KCNH1: variants seen among roughly 807,000 people sequenced by gnomAD.
KCNH1 encodes the protein potassium voltage-gated channel subfamily H member 1.
In KCNH1, 27 loss-of-function variants were observed where a neutral mutation model predicts 69.2. The observed-to-expected ratio is 0.39, with a 90% CI of 0.29 to 0.54. KCNH1 has a LOEUF of 0.54. Among genes scored for constraint, KCNH1 ranks in the 20% least tolerant of loss-of-function variants. KCNH1 has a pLI of 0.68. For missense variants in KCNH1, 798 were observed against 1,261.6 expected (o/e 0.63, Z 5.57); for synonymous variants, 456 against 487.7 (o/e 0.93, Z 0.86).
At chr1:211,131,656 T>C (rs1238390588) in intron 1 of KCNH1, among the ~76,000 whole-genome samples, 1 of 152,240 alleles carries the variant, frequency 6.6e-6, no homozygotes, top group African/African-American at 2.4e-5. Flanking sequence ...AATAATATAA[T>C]GCATGCAGAT....
At chr1:211,039,065 T>C (rs533441551) in intron 5 of KCNH1, among the ~76,000 whole-genome samples, 1 of 152,226 alleles carries the variant, frequency 6.6e-6, no homozygotes, top group African/African-American at 2.4e-5. Context: ...AAAAAGTGGT[T>C]TCATGGGCTG....
rs375513662 is a variant in KCNH1 at position 210,953,530 on chromosome 1, C to T, written c.1033-33461G>A. Among the ~76,000 whole-genome samples, 11 of 152,316 alleles carry T rather than the reference C, an allele frequency of 7.2e-5. No homozygotes were observed. The East Asian group carries it at 1.5e-3, about 21-fold the overall frequency. The stretch of plus-strand genomic sequence containing the variant: ...TCTGGCAATCTGGATCTCTCCCTTT[C>T]GCTGCATTTCCATAGCCCTCGTCTT... On this transcript the variant is annotated intron_variant, in intron 6 of 10. Transcript: ENST00000271751.
At position 210,723,156 on chromosome 1, in the gene KCNH1, A is replaced by T. The variant is rs1682511016; in HGVS notation, c.2113-39018T>A. ...GAAACCTGCCTGCCTGGCCTCACCCATAGCCAGTGTCTCTCGTGGTCTCTC... is the reference window on the plus strand; with the variant it reads ...GAAACCTGCCTGCCTGGCCTCACCCTTAGCCAGTGTCTCTCGTGGTCTCTC... On this transcript the variant is annotated intron_variant, in intron 10 of 10. Transcript: ENST00000271751. Among the ~76,000 whole-genome samples the T allele has an allele frequency of 2.0e-5, 3 of 152,202 alleles. No homozygotes were observed. The South Asian group carries it at 6.2e-4, about 32-fold the overall frequency.
chr1:211,053,406 G>A (rs1373714859), intron 5 of KCNH1, among the ~76,000 whole-genome samples: 1 of 152,168 alleles, frequency 6.6e-6, no homozygotes, highest in Non-Finnish European at 1.5e-5. Flanking sequence ...CAGAAGCAGG[G>A]GTTATCGGAA....
Position 210,866,466 on chromosome 1 carries a change from A to G in KCNH1, c.1462+53174T>C, listed in dbSNP as rs148146620. Reference sequence around the variant, plus strand: ...AAATAGGCAAAGAATCTAAATAGACATTTCTCCAAAGAAGATATAGAAATG... The same window carrying G: ...AAATAGGCAAAGAATCTAAATAGACGTTTCTCCAAAGAAGATATAGAAATG... On this transcript the variant is annotated intron_variant, in intron 7 of 10. Transcript: ENST00000271751. Among the ~76,000 whole-genome samples, 290 of 152,290 alleles carry G rather than the reference A, an allele frequency of 1.9e-3. 1 individual carries two copies. Among genetic ancestry groups the G allele is most frequent in the African/African-American group, 6.5e-3 (269 of 41,562 alleles).
At chr1:211,058,849 T>C (rs1400465691) in intron 5 of KCNH1, among the ~76,000 whole-genome samples, 1 of 152,152 alleles carries the variant, frequency 6.6e-6, no homozygotes, top group African/African-American at 2.4e-5. Flanking sequence ...AGAAACATGC[T>C]TCACCTAGAA....
intron 7 of KCNH1, among the ~76,000 whole-genome samples, chr1:210,878,916 T>G (rs924744416): frequency 6.6e-6 from 1 of 151,820 alleles, no homozygotes; most frequent in African/African-American, 2.4e-5. Flanking sequence ...AGAGAGGACA[T>G]AAATTACTAA....
intron 1 of KCNH1, among the ~76,000 whole-genome samples, chr1:211,121,918 G>A (rs954555485): frequency 1.3e-5 from 2 of 152,140 alleles, no homozygotes; most frequent in Admixed American, 6.5e-5. Flanking sequence ...GGCGGATCAC[G>A]AGGTCAGGAG....
intron 10 of KCNH1, among the ~76,000 whole-genome samples, chr1:210,740,370 T>C (rs1249618044): frequency 6.6e-6 from 1 of 152,196 alleles, no homozygotes; most frequent in African/African-American, 2.4e-5. Flanking sequence ...TTTTACCTTC[T>C]AACAATGGTG....
At chr1:210,874,497 G>T (rs1686323921) in intron 7 of KCNH1, among the ~76,000 whole-genome samples, 1 of 152,032 alleles carries the variant, frequency 6.6e-6, no homozygotes, top group Non-Finnish European at 1.5e-5. Context: ...CTCTCTCAAA[G>T]GTCTCATGGA....
chr1:211,044,586 A>G (rs1690058311), intron 5 of KCNH1, among the ~76,000 whole-genome samples: 1 of 152,222 alleles, frequency 6.6e-6, no homozygotes, highest in African/African-American at 2.4e-5. Flanking sequence ...AATCCCATCA[A>G]AAAGTGGGCT....
intron 7 of KCNH1, among the ~76,000 whole-genome samples, chr1:210,911,664 CA>C (rs1426669155): frequency 6.8e-6 from 1 of 147,630 alleles, no homozygotes. Context: ...AGGGATTTTT[CA>C]AATATTGTGG....
intron 10 of KCNH1, among the ~76,000 whole-genome samples, chr1:210,769,092 A>G (rs1002592090): frequency 6.6e-6 from 1 of 152,188 alleles, no homozygotes; most frequent in African/African-American, 2.4e-5. Flanking sequence ...AGAAGCCCAC[A>G]TAGGAGGGAT....
At chr1:210,707,906 G>A (rs1407829436) in intron 10 of KCNH1, among the ~76,000 whole-genome samples, 1 of 152,090 alleles carries the variant, frequency 6.6e-6, no homozygotes, top group Admixed American at 6.5e-5. Context: ...TTCACAGAAC[G>A]GCAAATGAGG....
intron 5 of KCNH1, among the ~76,000 whole-genome samples, chr1:211,061,380 G>A (rs1332029512): frequency 6.6e-6 from 1 of 152,078 alleles, no homozygotes; most frequent in Non-Finnish European, 1.5e-5. Flanking sequence ...AAAACTGAAA[G>A]CCTTTTTTCT....
chr1:211,071,839 T>C (rs1160543598), intron 5 of KCNH1, among the ~76,000 whole-genome samples: 2 of 152,124 alleles, frequency 1.3e-5, no homozygotes, highest in Non-Finnish European at 2.9e-5. Context: ...TTCAAACCCA[T>C]GTTATTCAAG....
In KCNH1 at chr1:210,785,895, A is replaced by T. The variant is rs146720757; in HGVS notation, c.1916-10351T>A. Among the ~76,000 whole-genome samples, 272 of 152,314 alleles carry T rather than the reference A, an allele frequency of 1.8e-3. 1 individual carries two copies. The highest frequency in any genetic ancestry group is 2.5e-3 in the Non-Finnish European group (169 of 68,020). On this transcript the variant is annotated intron_variant, in intron 9 of 10. Transcript: ENST00000271751. ...GCATAGGAAGAGGGTTGTGCTGGTC[A>T]TCATCACAAGGTGGGTCTAATTCTG...
intron 5 of KCNH1, among the ~76,000 whole-genome samples, chr1:211,031,873 C>T (rs1005019997): frequency 6.6e-6 from 1 of 152,078 alleles, no homozygotes; most frequent in Non-Finnish European, 1.5e-5. Context: ...CCCTCTCTCA[C>T]CACTCCTATT....
chr1:210,912,104 TCA>T (rs1687244148), intron 7 of KCNH1, among the ~76,000 whole-genome samples: 1 of 152,228 alleles, frequency 6.6e-6, no homozygotes. Context: ...GTCTCTGAAC[TCA>T]GTTTTCTTAT....
Sources: allele counts gnomAD v4.1 joint callset (sites outside exome capture counted in the v4.1 genomes callset), GRCh38; gene constraint gnomAD v4.1.1; transcripts MANE v1.5; gene names NCBI Gene and HGNC (gene_info 2026-07-23, HGNC 2026-07-21).